GRID2: variants seen among roughly 807,000 people sequenced by gnomAD.
GRID2 encodes glutamate ionotropic receptor delta type subunit 2.
In GRID2, 33 loss-of-function variants were observed where a neutral mutation model predicts 114.8. The ratio of observed to expected loss-of-function variants is 0.29; its 90% CI spans 0.22 to 0.38. The LOEUF (loss-of-function observed/expected upper bound fraction) is 0.38. GRID2 is among the 10% of genes least tolerant of loss of function. The pLI, the probability that GRID2 is intolerant of heterozygous loss-of-function variation, is 1.00. For synonymous variants in GRID2, 505 were observed against 449.9 expected, an observed-to-expected ratio of 1.12 and a Z score of -1.55; for missense variants, 1,184 against 1,257.7, an observed-to-expected ratio of 0.94 and a Z score of 0.89.
intron 2 of GRID2, among the ~76,000 whole-genome samples, chr4:92,891,481 A>T (rs1442982015): frequency 6.6e-6 from 1 of 152,156 alleles, no homozygotes; most frequent in Non-Finnish European, 1.5e-5. Context: ...CTAAATAAGA[A>T]GTGTGAAGTG....
At chr4:92,573,608 G>T (rs976941274) in intron 1 of GRID2, among the ~76,000 whole-genome samples, 22 of 152,146 alleles carry the variant, frequency 1.4e-4, no homozygotes, top group African/African-American at 5.3e-4. Flanking sequence ...CAATTTCCAT[G>T]TAGTTGTATG....
At chr4:93,076,752 G>C (rs1019680374) in intron 2 of GRID2, among the ~76,000 whole-genome samples, 2 of 151,232 alleles carry the variant, frequency 1.3e-5, no homozygotes, top group Admixed American at 6.6e-5. Context: ...CAAGTAGCTG[G>C]GATTACAGGC....
intron 2 of GRID2, among the ~76,000 whole-genome samples, chr4:93,065,500 G>C (rs569231153): frequency 3.4e-4 from 52 of 152,000 alleles, no homozygotes; most frequent in African/African-American, 4.1e-4. Context: ...CATAACTTAT[G>C]TGTAGCTCTA....
intron 2 of GRID2, among the ~76,000 whole-genome samples, chr4:93,066,552 C>T (rs145916074): frequency 9.8e-4 from 149 of 152,012 alleles, no homozygotes; most frequent in Admixed American, 6.6e-3. Context: ...TTCTGGTAGA[C>T]GACTGAAACT....
intron 2 of GRID2, among the ~76,000 whole-genome samples, chr4:92,742,179 T>G (rs1009314700): frequency 6.6e-6 from 1 of 152,216 alleles, no homozygotes; most frequent in Non-Finnish European, 1.5e-5. Context: ...TTTCTTAATG[T>G]CAGCAGATAG....
chr4:93,361,965 T>A (rs1461345446), intron 8 of GRID2, among the ~76,000 whole-genome samples: 1 of 152,098 alleles, frequency 6.6e-6, no homozygotes. Flanking sequence ...ATGCATTAGC[T>A]ATTTATCCCG....
chr4:93,805,997 T>C (rs1375849868), intron 1 of GRID2, among the ~76,000 whole-genome samples: 2 of 152,004 alleles, frequency 1.3e-5, no homozygotes, highest in African/African-American at 4.8e-5. Flanking sequence ...CTCGGGAAGC[T>C]GAGACATAAG....
chr4:92,999,542 CTTA>C (rs1285310382), intron 2 of GRID2, among the ~76,000 whole-genome samples: 3 of 151,532 alleles, frequency 2.0e-5, no homozygotes, highest in Admixed American at 1.3e-4. Context: ...ATATTTTTTA[CTTA>C]TTAGTATTTT....
At chr4:93,362,128 G>A (rs2149276427) in intron 8 of GRID2, among the ~76,000 whole-genome samples, 1 of 152,208 alleles carries the variant, frequency 6.6e-6, no homozygotes, top group South Asian at 2.1e-4. Context: ...ATCTTCTAGT[G>A]AAATCTTATG....
rs1051339524 is a variant in GRID2, at chr4:92,482,428, C to T, written c.89-107703C>T. Among the ~76,000 whole-genome samples, 5 of 151,900 alleles carry T rather than the reference C, an allele frequency of 3.3e-5. No individual in the cohort carries two copies. In the Middle Eastern group the frequency reaches 0.01, roughly 310 times the overall value. On this transcript the variant is annotated intron_variant, in intron 1 of 15. Transcript: ENST00000282020. ...CCCATGTAACAAACCTTCACCTGTA[C>T]CCCTGCATCTAACTTAAAAGTTAAA... is the stretch of plus-strand genomic sequence containing the variant.
At position 92,458,122 on chromosome 4, in the gene GRID2, A is replaced by G. The variant is rs551733064; in HGVS notation, c.89-132009A>G. Among the ~76,000 whole-genome samples the G allele has an allele frequency of 3.3e-5, 5 of 152,324 alleles. No individual in the cohort carries two copies. In the South Asian group the frequency reaches 1.0e-3, roughly 32 times the overall value. ...AAGTTCTCCTGGCTGAAAAATGGTC[A>G]TGTCTTTTTTATTCTAAAATAAGAA... On this transcript the variant is annotated intron_variant, in intron 1 of 15. Transcript: ENST00000282020.
chr4:92,943,019 A>C (rs1437099075), intron 2 of GRID2, among the ~76,000 whole-genome samples: 1 of 152,002 alleles, frequency 6.6e-6, no homozygotes, highest in East Asian at 1.9e-4. Flanking sequence ...CCTTCATTTC[A>C]GCTTTGGTGA....
At chr4:93,012,593 A>G (rs1014773473) in intron 2 of GRID2, among the ~76,000 whole-genome samples, 3 of 152,054 alleles carry the variant, frequency 2.0e-5, no homozygotes, top group Non-Finnish European at 4.4e-5. Context: ...CCTTGTGAAC[A>G]TTAATTAGTA....
intron 10 of GRID2, among the ~76,000 whole-genome samples, chr4:93,428,391 A>G (rs1244458720): frequency 6.6e-6 from 1 of 152,164 alleles, no homozygotes; most frequent in Non-Finnish European, 1.5e-5. Flanking sequence ...GGCTCTATCC[A>G]TAACATTGTA....
chr4:93,229,802 G>A (rs916906867), intron 7 of GRID2, among the ~76,000 whole-genome samples: 11 of 152,030 alleles, frequency 7.2e-5, no homozygotes, highest in Non-Finnish European at 1.5e-4. Context: ...TAATGGGCAA[G>A]GTTTCTGTTT....
intron 2 of GRID2, among the ~76,000 whole-genome samples, chr4:92,590,914 T>C (rs930046863): frequency 2.0e-5 from 3 of 152,216 alleles, no homozygotes; most frequent in Admixed American, 2.0e-4. Context: ...ATTCCTATTA[T>C]GAAGGTTTTG....
At chr4:92,983,739 AG>A (rs946401719) in intron 2 of GRID2, among the ~76,000 whole-genome samples, 5 of 152,144 alleles carry the variant, frequency 3.3e-5, no homozygotes, top group African/African-American at 1.2e-4. Flanking sequence ...CAAGTTTTAC[AG>A]ATTTGCCTTA....
intron 14 of GRID2, among the ~76,000 whole-genome samples, chr4:93,709,155 G>C (rs1334854750): frequency 6.6e-6 from 1 of 152,088 alleles, no homozygotes; most frequent in Non-Finnish European, 1.5e-5. Context: ...ATAATATTCT[G>C]TGTTTGTGTA....
intron 2 of GRID2, among the ~76,000 whole-genome samples, chr4:92,812,908 AAAGAATGC>A (rs1005281158): frequency 1.3e-5 from 2 of 152,160 alleles, no homozygotes; most frequent in Non-Finnish European, 2.9e-5. Context: ...CAAAATGGGA[AAAGAATGC>A]ATTATCTAAA....
Sources: gnomAD v4.1 joint callset for allele counts (sites outside exome capture counted in the v4.1 genomes callset) on GRCh38, gnomAD v4.1.1 for gene constraint, MANE v1.5 for transcripts, NCBI Gene and HGNC (gene_info 2026-07-23, HGNC 2026-07-21) for gene names.